EXOC6: variants seen among roughly 807,000 people sequenced by gnomAD.
The protein encoded by EXOC6 is exocyst complex component 6, also known as SEC15-like 1.
In EXOC6, 60 loss-of-function variants were observed where a neutral mutation model predicts 112.5. That is an observed-to-expected ratio of 0.53 (90% CI 0.43 to 0.66). EXOC6 has a LOEUF of 0.66. Ranked by LOEUF, EXOC6 falls within the 30% of genes least tolerant of loss-of-function variation. EXOC6 has a pLI of 0.00. For missense variants in EXOC6, 855 were observed against 957.1 expected, an observed-to-expected ratio of 0.89 and a Z score of 1.41; for synonymous variants, 295 against 308.0, an observed-to-expected ratio of 0.96 and a Z score of 0.44.
At chr10:92,850,968 A>C (rs1468233299) in intron 1 of EXOC6, among the ~76,000 whole-genome samples, 1 of 152,260 alleles carries the variant, frequency 6.6e-6, no homozygotes, top group African/African-American at 2.4e-5. Context: ...AAAAAACAAA[A>C]AAACAAAAAC....
intron 1 of EXOC6, among the ~76,000 whole-genome samples, chr10:92,857,364 CCTT>C (rs1847652787): frequency 6.6e-6 from 1 of 151,858 alleles, no homozygotes; most frequent in Non-Finnish European, 1.5e-5. Context: ...TAGCTATATT[CCTT>C]CTTTCCCTTT....
upstream of EXOC6, chr10:92,831,476 C>T (rs745409850): frequency 1.6e-4 from 78 of 489,640 alleles, 1 homozygote; most frequent in African/African-American, 1.4e-3. Flanking sequence ...CTCTGTCACT[C>T]AGGCTGGAGT....
At chr10:92,841,603 A>G (rs75116471) in intron 1 of EXOC6, among the ~76,000 whole-genome samples, 2,288 of 152,318 alleles carry the variant, frequency 0.015, 53 homozygotes, top group African/African-American at 0.052. Flanking sequence ...ACTCGGCTAT[A>G]CAGTTACCCA....
intron 18 of EXOC6, among the ~76,000 whole-genome samples, chr10:92,974,932 GCCACCTGC>G: frequency 6.6e-6 from 1 of 152,304 alleles, no homozygotes; most frequent in South Asian, 2.1e-4. Flanking sequence ...CCACCTCCCA[GCCACCTGC>G]CTTGGCCTCC....
chr10:92,881,910 GCCT>G (rs1333817980), intron 1 of EXOC6, among the ~76,000 whole-genome samples: 3 of 152,114 alleles, frequency 2.0e-5, no homozygotes, highest in Admixed American at 2.0e-4. Context: ...GAACACGTTG[GCCT>G]CTTCTTCCAC....
At chr10:92,889,623 T>C (rs2133800348) in intron 1 of EXOC6, among the ~76,000 whole-genome samples, 1 of 152,390 alleles carries the variant, frequency 6.6e-6, no homozygotes, top group East Asian at 1.9e-4. Context: ...TGTGGGTTTA[T>C]TTCTGGTCTG....
chr10:92,856,988 T>C (rs1346513626), intron 1 of EXOC6, among the ~76,000 whole-genome samples: 2 of 152,226 alleles, frequency 1.3e-5, no homozygotes, highest in Non-Finnish European at 2.9e-5. Context: ...TGTTTACTTT[T>C]AAATATGTCA....
Position 93,030,621 on chromosome 10 carries a change from GAC to G in EXOC6, c.2169+16355_2169+16356del, listed in dbSNP as rs554767629. On this transcript the variant is annotated intron_variant, in intron 20 of 21. Transcript: ENST00000260762. Reference sequence around the variant, plus strand: ...CCTAACAGTTGTTGGATTCCTTAGTGACTCATCAAGGCTGTTGTTATTGAGCC... The same window carrying G: ...CCTAACAGTTGTTGGATTCCTTAGTGTCATCAAGGCTGTTGTTATTGAGCC... Among the ~76,000 whole-genome samples, 370 of 152,290 alleles carry G rather than the reference GAC, an allele frequency of 2.4e-3. 4 individuals are homozygous for G. The highest frequency in any genetic ancestry group is 0.018 in the Admixed American group (271 of 15,294).
chr10:93,058,005 G>A (rs892356774), intron 21 of EXOC6, among the ~76,000 whole-genome samples: 2 of 152,084 alleles, frequency 1.3e-5, no homozygotes, highest in African/African-American at 4.8e-5. Context: ...ACATACTAAT[G>A]CAAAAATACC....
intron 4 of EXOC6, among the ~76,000 whole-genome samples, chr10:92,897,786 C>G (rs544005048): frequency 6.6e-6 from 1 of 152,300 alleles, no homozygotes; most frequent in East Asian, 1.9e-4. Context: ...AACCTTTTGT[C>G]TCTTACCTTC....
At chr10:93,004,041 G>T (rs1243848037) in intron 19 of EXOC6, among the ~76,000 whole-genome samples, 1 of 152,134 alleles carries the variant, frequency 6.6e-6, no homozygotes, top group Non-Finnish European at 1.5e-5. Flanking sequence ...TTAGAAATTT[G>T]TACTGGAATG....
At position 92,989,199 on chromosome 10, in the gene EXOC6, GTGTTT is replaced by G. The variant is rs374643463; in HGVS notation, c.1954-8270_1954-8266del. On this transcript the variant is annotated intron_variant, in intron 18 of 21. Transcript: ENST00000260762. ...CTTACACAAAGTAGTTGCTTGATAA[GTGTTT>G]TGTTAAGTATGAAAGAGTGAAGAAA... Among the ~76,000 whole-genome samples the G allele has an allele frequency of 4.1e-4, 62 of 152,238 alleles. No individual in the cohort carries two copies. In the East Asian group the frequency reaches 0.012, roughly 28 times the overall value.
At chr10:93,008,046 G>T (rs1464945212) in intron 19 of EXOC6, among the ~76,000 whole-genome samples, 1 of 152,090 alleles carries the variant, frequency 6.6e-6, no homozygotes, top group East Asian at 1.9e-4. Context: ...GGTGGTGCAT[G>T]CCTGTAATCA....
chr10:92,848,713 C>T (rs1244028967), intron 1 of EXOC6, 79 bp downstream of exon 1: 10 of 1,125,614 alleles, frequency 8.9e-6, no homozygotes, highest in South Asian at 2.8e-5. Context: ...GGGCGTCCGC[C>T]GCCGGCCGCG....
intron 20 of EXOC6, among the ~76,000 whole-genome samples, chr10:93,038,755 C>G (rs1845633875): frequency 6.6e-6 from 1 of 152,120 alleles, no homozygotes. Context: ...TATAATTTAG[C>G]TCAGTTCAAC....
At chr10:92,904,541 CTAA>C (rs1850340863) in intron 5 of EXOC6, among the ~76,000 whole-genome samples, 1 of 152,068 alleles carries the variant, frequency 6.6e-6, no homozygotes, top group African/African-American at 2.4e-5. Flanking sequence ...TTGTAATTCA[CTAA>C]TGACACATGA....
chr10:92,832,040 T>C (rs907814365), upstream of EXOC6, among the ~76,000 whole-genome samples: 1 of 152,260 alleles, frequency 6.6e-6, no homozygotes, highest in Non-Finnish European at 1.5e-5. Flanking sequence ...GTGGCATTAT[T>C]TATGAATTTT....
At chr10:92,946,252 C>T (rs1218165254) in intron 13 of EXOC6, among the ~76,000 whole-genome samples, 4 of 152,084 alleles carry the variant, frequency 2.6e-5, no homozygotes, top group African/African-American at 9.6e-5. Flanking sequence ...GCCAAGATTG[C>T]GCCACTGCAC....
intron 20 of EXOC6, among the ~76,000 whole-genome samples, chr10:93,031,639 A>T (rs1242833671): frequency 1.3e-5 from 2 of 150,318 alleles, no homozygotes; most frequent in African/African-American, 4.9e-5. Flanking sequence ...CAGCCTCCCG[A>T]GCAGCTGGGA....
Sources: allele counts gnomAD v4.1 joint callset (sites outside exome capture counted in the v4.1 genomes callset), GRCh38; gene constraint gnomAD v4.1.1; transcripts MANE v1.5; gene names NCBI Gene and HGNC (gene_info 2026-07-23, HGNC 2026-07-21).